CSRNP3: variants seen among roughly 807,000 people sequenced by gnomAD.
CSRNP3 encodes cysteine/serine-rich nuclear protein 3.
CSRNP3 carries 12 observed loss-of-function variants against 48.0 expected under a neutral mutation model. That is an observed-to-expected ratio of 0.25 (90% CI 0.16 to 0.41). CSRNP3 has a LOEUF of 0.41. CSRNP3 is among the 10% of genes least tolerant of loss of function. The probability of loss-of-function intolerance (pLI) is 1.00; values close to 1 mark genes in which losing one functional copy is unlikely to be tolerated. For missense variants in CSRNP3, 580 were observed against 724.4 expected, an observed-to-expected ratio of 0.80 and a Z score of 2.29; for synonymous variants, 263 against 269.7, an observed-to-expected ratio of 0.98 and a Z score of 0.24.
intron 4 of CSRNP3, among the ~76,000 whole-genome samples, chr2:165,653,914 G>A (rs1228029683): frequency 1.5e-5 from 2 of 130,262 alleles, no homozygotes; most frequent in Non-Finnish European, 3.1e-5. Context: ...AGAGGTTGCA[G>A]TGAACCGAGA....
chr2:165,522,245 T>G (rs1455240793), intron 3 of CSRNP3, among the ~76,000 whole-genome samples: 1 of 151,986 alleles, frequency 6.6e-6, no homozygotes, highest in South Asian at 2.1e-4. Flanking sequence ...TGAGCTGAGA[T>G]CATGCCACTG....
Position 165,589,642 on chromosome 2 carries a change from T to C in CSRNP3, c.-23-5401T>C, listed in dbSNP as rs541514092. 7.6e-4 allele frequency among the ~76,000 whole-genome samples: 115 copies of C among 152,224 alleles called. 1 individual carries two copies. The highest frequency in any genetic ancestry group is 1.5e-3 in the Non-Finnish European group (101 of 68,042). ...TTTAAAGACCTAGACAGAACTTACA[T>C]GAACCTATAACTCCATTTCTTCAGC... On this transcript the variant is annotated intron_variant, in intron 3 of 6. Transcript: ENST00000651982.
chr2:165,612,393 G>T (rs985838372), intron 4 of CSRNP3, among the ~76,000 whole-genome samples: 2 of 151,918 alleles, frequency 1.3e-5, no homozygotes, highest in African/African-American at 4.8e-5. Context: ...TTCAGTAATG[G>T]ACTAGAAATG....
At chr2:165,631,896 A>C (rs544262024) in intron 4 of CSRNP3, among the ~76,000 whole-genome samples, 1 of 152,368 alleles carries the variant, frequency 6.6e-6, no homozygotes, top group South Asian at 2.1e-4. Flanking sequence ...ACAAAGCCAA[A>C]TGGTTAATAT....
At chr2:165,642,913 T>C (rs976175613) in intron 4 of CSRNP3, among the ~76,000 whole-genome samples, 2 of 152,180 alleles carry the variant, frequency 1.3e-5, no homozygotes, top group Middle Eastern at 3.4e-3. Flanking sequence ...CTGTATTCTG[T>C]CATTTAGAAA....
chr2:165,678,622 A>C, intron 6 of CSRNP3, 79 bp from the exon 7 acceptor site: 1 of 1,505,286 alleles, frequency 6.6e-7, no homozygotes, highest in Non-Finnish European at 8.9e-7. Flanking sequence ...ACTTAATTCA[A>C]AGAAGTTACT....
intron 4 of CSRNP3, among the ~76,000 whole-genome samples, chr2:165,601,824 T>C (rs1053875811): frequency 6.6e-6 from 1 of 152,162 alleles, no homozygotes; most frequent in Admixed American, 6.6e-5. Context: ...AAAGAATCAA[T>C]AGAAAACAGA....
chr2:165,520,062 GA>G (rs968938158), intron 3 of CSRNP3, among the ~76,000 whole-genome samples: 7 of 151,832 alleles, frequency 4.6e-5, no homozygotes, highest in Non-Finnish European at 2.9e-5. Flanking sequence ...AATTTCACCA[GA>G]AAGAAAAGAT....
intron 3 of CSRNP3, among the ~76,000 whole-genome samples, chr2:165,547,605 C>T (rs912864724): frequency 6.6e-6 from 1 of 151,816 alleles, no homozygotes; most frequent in Non-Finnish European, 1.5e-5. Flanking sequence ...GCACAGAATG[C>T]AAAATGTGCC....
chr2:165,521,582 C>T (rs753345777), intron 3 of CSRNP3, among the ~76,000 whole-genome samples: 4 of 152,196 alleles, frequency 2.6e-5, no homozygotes, highest in Non-Finnish European at 5.9e-5. Flanking sequence ...TGCCCATGCT[C>T]TAGGTGGCTC....
intron 4 of CSRNP3, among the ~76,000 whole-genome samples, chr2:165,645,502 A>C (rs760566637): frequency 5.9e-5 from 9 of 152,210 alleles, no homozygotes; most frequent in Non-Finnish European, 1.2e-4. Context: ...TTCAGACCAT[A>C]GCAGAAATTG....
At chr2:165,482,993 C>G (rs1266302122) in intron 1 of CSRNP3, among the ~76,000 whole-genome samples, 2 of 151,718 alleles carry the variant, frequency 1.3e-5, no homozygotes, top group African/African-American at 4.8e-5. Context: ...AGTGTTCTTG[C>G]AGTGGCAGGA....
intron 2 of CSRNP3, among the ~76,000 whole-genome samples, chr2:165,514,766 G>T (rs1019089100): frequency 6.6e-6 from 1 of 152,062 alleles, no homozygotes; most frequent in African/African-American, 2.4e-5. Context: ...TTTAGAGGCT[G>T]GTCTCGGATT....
At chr2:165,502,567 G>A (rs1471733515) in intron 2 of CSRNP3, among the ~76,000 whole-genome samples, 4 of 152,014 alleles carry the variant, frequency 2.6e-5, no homozygotes, top group African/African-American at 9.6e-5. Context: ...AAAGGGTATT[G>A]TTTTTAATTG....
intron 3 of CSRNP3, among the ~76,000 whole-genome samples, chr2:165,585,273 A>G (rs1050922602): frequency 1.3e-5 from 2 of 151,250 alleles, no homozygotes; most frequent in African/African-American, 2.4e-5. Context: ...CCTATATACC[A>G]TCAATTCAGC....
chr2:165,532,674 G>A (rs1253432328), intron 3 of CSRNP3, among the ~76,000 whole-genome samples: 8 of 151,932 alleles, frequency 5.3e-5, no homozygotes, highest in East Asian at 1.9e-4. Context: ...CTCTCTCACC[G>A]CTCCTATTCA....
At chr2:165,573,028 T>C (rs928903002) in intron 3 of CSRNP3, among the ~76,000 whole-genome samples, 1 of 152,104 alleles carries the variant, frequency 6.6e-6, no homozygotes, top group Non-Finnish European at 1.5e-5. Flanking sequence ...TGTGTTAGTA[T>C]ACTGCAAAAG....
intron 3 of CSRNP3, among the ~76,000 whole-genome samples, chr2:165,547,060 A>G (rs944312005): frequency 1.3e-5 from 2 of 152,152 alleles, no homozygotes; most frequent in African/African-American, 4.8e-5. Flanking sequence ...ACCACTGTCA[A>G]TGTATTTTGT....
intron 3 of CSRNP3, among the ~76,000 whole-genome samples, chr2:165,520,801 A>AT (rs1184104372): frequency 1.4e-5 from 1 of 69,274 alleles, no homozygotes; most frequent in African/African-American, 6.2e-5. Flanking sequence ...ATATATATAT[A>AT]TATATATATA....
Sources: allele counts gnomAD v4.1 joint callset (sites outside exome capture counted in the v4.1 genomes callset), GRCh38; gene constraint gnomAD v4.1.1; transcripts MANE v1.5; gene names NCBI Gene and HGNC (gene_info 2026-07-23, HGNC 2026-07-21).